TANC2: variants seen among roughly 807,000 people sequenced by gnomAD.
The protein encoded by TANC2 is protein TANC2.
TANC2 carries 26 observed loss-of-function variants against 210.5 expected under a neutral mutation model. The ratio of observed to expected loss-of-function variants is 0.12; its 90% CI spans 0.09 to 0.17. The LOEUF (loss-of-function observed/expected upper bound fraction) is 0.17. TANC2 is among the 10% of genes least tolerant of loss of function. The pLI is 1.00. For missense variants in TANC2, 2,129 were observed against 2,608.9 expected, an observed-to-expected ratio of 0.82 and a Z score of 4.01; for synonymous variants, 931 against 967.1, an observed-to-expected ratio of 0.96 and a Z score of 0.69.
At chr17:63,227,698 T>A (rs2042364426) in intron 7 of TANC2, among the ~76,000 whole-genome samples, 1 of 152,178 alleles carries the variant, frequency 6.6e-6, no homozygotes, top group Admixed American at 6.5e-5. Flanking sequence ...ATGTCTTGAA[T>A]GGTATTGCCT....
exon 28 of TANC2, chr17:63,426,861 AAGTCTGGT>A (rs1400374834): frequency 1.3e-5 from 2 of 152,230 alleles, no homozygotes; most frequent in Admixed American, 6.5e-5. Flanking sequence ...GCTAACCAGA[AAGTCTGGT>A]TAGAGGGGGC....
At chr17:63,039,112 T>G (rs1174855428) in intron 2 of TANC2, among the ~76,000 whole-genome samples, 1 of 152,216 alleles carries the variant, frequency 6.6e-6, no homozygotes, top group African/African-American at 2.4e-5. Flanking sequence ...GTTTATGCAT[T>G]TATACATGAT....
At chr17:63,105,017 G>A (rs1184510766) in intron 4 of TANC2, among the ~76,000 whole-genome samples, 1 of 151,564 alleles carries the variant, frequency 6.6e-6, no homozygotes, top group Non-Finnish European at 1.5e-5. Flanking sequence ...CAAAATGTTA[G>A]CTAAATTATT....
intron 7 of TANC2, among the ~76,000 whole-genome samples, chr17:63,205,401 G>A (rs2041678466): frequency 1.5e-5 from 1 of 65,498 alleles, no homozygotes; most frequent in Non-Finnish European, 3.1e-5. Context: ...ACAAAACATT[G>A]CAGAAGACAT....
chr17:63,004,968 C>T, intron 1 of TANC2: 1 of 193,460 alleles, frequency 5.2e-6, no homozygotes, highest in Non-Finnish European at 1.1e-5. Context: ...GGCATGGTGG[C>T]ATCAGTGGTG....
intron 4 of TANC2, among the ~76,000 whole-genome samples, chr17:63,134,316 T>C (rs2039017720): frequency 6.6e-6 from 1 of 152,192 alleles, no homozygotes; most frequent in Admixed American, 6.5e-5. Context: ...GGTCATTATA[T>C]ACTAATAACA....
At chr17:63,380,355 TTCTC>T (rs1175009610) in intron 15 of TANC2, among the ~76,000 whole-genome samples, 1 of 152,240 alleles carries the variant, frequency 6.6e-6, no homozygotes, top group Non-Finnish European at 1.5e-5. Flanking sequence ...TAACATCAGC[TTCTC>T]TCTCAGCCTT....
chr17:63,218,249 C>T (rs2042075333), intron 7 of TANC2, among the ~76,000 whole-genome samples: 1 of 149,906 alleles, frequency 6.7e-6, no homozygotes, highest in Non-Finnish European at 1.5e-5. Flanking sequence ...GCCTGGGTAA[C>T]ACAGCAAGAC....
intron 2 of TANC2, among the ~76,000 whole-genome samples, chr17:63,018,186 A>G (rs916706308): frequency 6.6e-6 from 1 of 151,456 alleles, no homozygotes; most frequent in Non-Finnish European, 1.5e-5. Flanking sequence ...ATAATTGTAG[A>G]TTTACCTGCA....
chr17:63,177,026 G>A (rs1324669013), intron 5 of TANC2, among the ~76,000 whole-genome samples: 4 of 151,944 alleles, frequency 2.6e-5, no homozygotes, highest in African/African-American at 9.7e-5. Flanking sequence ...CACTTTAGGA[G>A]GCCGAGGTGG....
intron 5 of TANC2, 50 bp from the exon 6 acceptor site, chr17:63,193,941 G>T: frequency 6.4e-7 from 1 of 1,555,650 alleles, no homozygotes; most frequent in South Asian, 1.2e-5. Context: ...TGCAGAACTA[G>T]ACCATTTTAT....
At chr17:63,200,064 GA>G (rs1250784319) in intron 6 of TANC2, among the ~76,000 whole-genome samples, 3 of 151,430 alleles carry the variant, frequency 2.0e-5, no homozygotes, top group Non-Finnish European at 4.4e-5. Context: ...TCCATCTAAA[GA>G]AAATTATTGG....
At chr17:63,255,128 G>A (rs550773361) in intron 8 of TANC2, among the ~76,000 whole-genome samples, 11 of 148,588 alleles carry the variant, frequency 7.4e-5, no homozygotes, top group South Asian at 6.4e-4. Context: ...TTTTTGAGAC[G>A]AAGTCTCACT....
chr17:63,368,727 A>C (rs548541661), intron 14 of TANC2, among the ~76,000 whole-genome samples: 1 of 152,216 alleles, frequency 6.6e-6, no homozygotes, highest in Non-Finnish European at 1.5e-5. Context: ...CAGAAGTCCA[A>C]TTCCCATAAG....
intron 5 of TANC2, among the ~76,000 whole-genome samples, chr17:63,168,455 C>T (rs1201273928): frequency 6.6e-6 from 1 of 152,172 alleles, no homozygotes; most frequent in East Asian, 1.9e-4. Flanking sequence ...TTTCTGTTCT[C>T]TGGACCCTTC....
chr17:63,169,013 T>C (rs1289289087), intron 5 of TANC2, among the ~76,000 whole-genome samples: 1 of 152,174 alleles, frequency 6.6e-6, no homozygotes, highest in African/African-American at 2.4e-5. Context: ...GACTGAACAA[T>C]TTAAATGTGA....
At chr17:63,359,646 C>G (rs1398937709) in intron 14 of TANC2, among the ~76,000 whole-genome samples, 1 of 152,148 alleles carries the variant, frequency 6.6e-6, no homozygotes, top group East Asian at 1.9e-4. Flanking sequence ...CCGTGCCCAG[C>G]CTAGCCAGCC....
chr17:63,141,058 T>C (rs2039271984), intron 4 of TANC2, among the ~76,000 whole-genome samples: 1 of 151,620 alleles, frequency 6.6e-6, no homozygotes, highest in African/African-American at 2.4e-5. Flanking sequence ...CCAGGAAGAG[T>C]ATTATAAATG....
In TANC2 at chr17:63,421,969, G is replaced by A. The variant is rs745886886; in HGVS notation, c.*14G>A. On this transcript the variant is annotated 3_prime_UTR_variant, in exon 28 of 28. Transcript: ENST00000689528. This position sits in a 1 kb window ranked among gnomAD's most constrained non-coding sequence, Gnocchi z 6.9. ...TCTAATGTTTAAAAGACGTTTTGTT[G>A]GAGTGAGACCCATATGTTTTCACTG... is the stretch of plus-strand genomic sequence containing the variant. 6.3e-7 allele frequency: 1 copy of A among 1,585,336 alleles called. No homozygotes were observed.
Sources: gnomAD v4.1 joint callset for allele counts (sites outside exome capture counted in the v4.1 genomes callset) on GRCh38, gnomAD v4.1.1 for gene constraint, Gnocchi (gnomAD v3.1) non-coding constraint, MANE v1.5 for transcripts, NCBI Gene and HGNC (gene_info 2026-07-23, HGNC 2026-07-21) for gene names.